ADGRG4: variants seen among roughly 807,000 people sequenced by gnomAD.
ADGRG4 encodes G protein-coupled receptor 112.
Under a neutral mutation model 126.2 loss-of-function variants are expected in ADGRG4, and 122 were observed. That is an observed-to-expected ratio of 0.97 (90% CI 0.83 to 1.12). ADGRG4 has a LOEUF of 1.12. ADGRG4 is among the 50% of genes most tolerant of loss of function. The probability of loss-of-function intolerance (pLI) is 0.00; values close to 1 mark genes in which losing one functional copy is unlikely to be tolerated. For missense variants in ADGRG4, 2,481 were observed against 2,251.8 expected (o/e 1.10, Z -2.06); for synonymous variants, 943 against 838.7 (o/e 1.12, Z -2.15).
At position 136,348,973 on chromosome X, in the gene ADGRG4, C is replaced by A. The variant is rs939564861; in HGVS notation, c.5267C>A (p.Ala1756Glu). The A allele has an allele frequency of 1.7e-6, 2 of 1,206,838 alleles. No homozygotes were observed. Among genetic ancestry groups the A allele is most frequent in the Admixed American group, 4.4e-5 (2 of 45,500 alleles). Reference sequence around the variant, plus strand: ...GAAAATATGCTTTCACCTACTCATGCAGATAGTCTCCATACTTCCTTCAAT... The same window carrying A: ...GAAAATATGCTTTCACCTACTCATGAAGATAGTCTCCATACTTCCTTCAAT... ...VPENMLSPTH[A>E]DSLHTSFNIQ... Residue 1756 changes from alanine (A) to glutamate (E), a missense_variant, in exon 6 of 26, where the codon GCA (alanine) becomes GAA (glutamate). By Grantham distance (107) the Ala-to-Glu change is moderately radical. Transcript: ENST00000394143.
At chrX:136,308,465 T>C (rs1476364201) in intron 3 of ADGRG4, among the ~76,000 whole-genome samples, 1 of 112,132 alleles carries the variant, frequency 8.9e-6, no homozygotes, top group Non-Finnish European at 1.9e-5. Context: ...CTAACTGTCC[T>C]ATGATGGCAG....
At chrX:136,367,556 G>T (rs1458742653) in intron 13 of ADGRG4, among the ~76,000 whole-genome samples, 1 of 111,938 alleles carries the variant, frequency 8.9e-6, no homozygotes. Context: ...AATTGACTGA[G>T]AAGTCATTTT....
rs2075257188 is a variant in ADGRG4 at position 136,380,642 on chromosome X, CTT to C, written c.7777-7097_7777-7096del. Among the ~76,000 whole-genome samples, 5 of 85,965 alleles carry C rather than the reference CTT, an allele frequency of 5.8e-5. No individual in the cohort carries two copies. In the East Asian group the frequency reaches 9.6e-4, roughly 17 times the overall value. 74.7% of individuals were successfully genotyped at this position (85,965 alleles called of 115,157 possible). On this transcript the variant is annotated intron_variant, in intron 15 of 25. Transcript: ENST00000394143. ...TCTTCTTCTTCTTCTTCTTCTTCTT[CTT>C]CTTCTTCCTCCTCCTCCTCCTCCTC...
At chrX:136,317,433 G>A (rs1254009991) in intron 4 of ADGRG4, among the ~76,000 whole-genome samples, 2 of 103,990 alleles carry the variant, frequency 1.9e-5, no homozygotes, top group African/African-American at 7.1e-5. Context: ...CCAGGAAGCG[G>A]AGGTTGCAGT....
At chrX:136,410,665 G>A (rs1156889600) in intron 23 of ADGRG4, among the ~76,000 whole-genome samples, 1 of 111,860 alleles carries the variant, frequency 8.9e-6, no homozygotes, top group Non-Finnish European at 1.9e-5. Flanking sequence ...GTAGATGGAT[G>A]TGCGAGTTTG....
rs1451866159 is a variant in ADGRG4 at position 136,370,747 on chromosome X, T to C, written c.7397-581T>C. Among the ~76,000 whole-genome samples, 4 of 112,068 alleles carry C rather than the reference T, an allele frequency of 3.6e-5. No homozygotes were observed. In the East Asian group the frequency reaches 1.1e-3, roughly 31 times the overall value. On this transcript the variant is annotated intron_variant, in intron 13 of 25. Transcript: ENST00000394143. ...ATTCATGAGGAACATGGAGATTCAT[T>C]ATACAATTCTTTCTACTTTTGTGTA...
chrX:136,306,714 CTTTTTTT>C (rs57109734), intron 3 of ADGRG4, among the ~76,000 whole-genome samples: 1 of 97,863 alleles, frequency 1.0e-5, no homozygotes, highest in African/African-American at 3.8e-5. Flanking sequence ...TACCTTATTC[CTTTTTTT>C]TTTTTTTTTT....
At chrX:136,321,793 C>T (rs945288909) in intron 4 of ADGRG4, among the ~76,000 whole-genome samples, 20 of 112,011 alleles carry the variant, frequency 1.8e-4, no homozygotes, top group South Asian at 3.8e-4. Context: ...AAAGACCGCA[C>T]CCAATGGACA....
intron 15 of ADGRG4, among the ~76,000 whole-genome samples, chrX:136,383,237 G>C (rs1480560765): frequency 9.0e-6 from 1 of 111,688 alleles, no homozygotes; most frequent in South Asian, 3.8e-4. Flanking sequence ...TAATTGAGAA[G>C]GGTGTTAAAA....
At chrX:136,352,631 C>T (rs1259940261) in intron 7 of ADGRG4, among the ~76,000 whole-genome samples, 4 of 111,692 alleles carry the variant, frequency 3.6e-5, no homozygotes. Context: ...AAGATGTGAA[C>T]CTTTCACATT....
At chrX:136,371,599 A>G (rs1043040269) in intron 14 of ADGRG4, 55 bp downstream of exon 14, 2 of 686,823 alleles carry the variant, frequency 2.9e-6, no homozygotes, top group African/African-American at 4.4e-5. Flanking sequence ...TAAAATGCAG[A>G]CGGCCCTCTG....
Position 136,349,845 on chromosome X carries a change from A to G in ADGRG4, c.6139A>G (p.Met2047Val), listed in dbSNP as rs368909891. Reference sequence around the variant, plus strand: ...AAAATCAACATTTCTGACATCTGACATGATATCAGCGCACCCATTCACTAA... The same window carrying G: ...AAAATCAACATTTCTGACATCTGACGTGATATCAGCGCACCCATTCACTAA... The part of the protein sequence containing the change: ...VSKSTFLTSD[M>V]ISAHPFTNLT... The change falls in exon 6 of 26, where the codon ATG becomes GTG. Residue 2047 changes from methionine to valine, a missense_variant. Coordinates refer to ENST00000394143, the MANE Select transcript of ADGRG4 (RefSeq NM_153834.4). 2.5e-6 allele frequency: 3 copies of G among 1,209,838 alleles called. No individual in the cohort carries two copies. Among genetic ancestry groups the G allele is most frequent in the Non-Finnish European group, 3.4e-6 (3 of 894,072 alleles).
intron 5 of ADGRG4, among the ~76,000 whole-genome samples, chrX:136,326,615 T>C (rs1253008821): frequency 9.0e-6 from 1 of 111,223 alleles, no homozygotes; most frequent in Admixed American, 9.7e-5. Context: ...CCTGGGGAAA[T>C]TAGGCTACTA....
In ADGRG4 at chrX:136,347,006, C is replaced by T; in HGVS notation, c.3300C>T (p.Ser1100=). The T allele has an allele frequency of 2.5e-6, 3 of 1,210,154 alleles. No individual in the cohort carries two copies. In the South Asian group the frequency reaches 5.3e-5, roughly 21 times the overall value. The change falls in exon 6 of 26, where the codon TCC becomes TCT. Residue 1100 remains serine (S), a synonymous_variant. Coordinates refer to ENST00000394143, the MANE Select transcript of ADGRG4 (RefSeq NM_153834.4). ...EATVISVRKT[S]MAVPSLTETP... ...CGGTAATCTCTGTCAGGAAGACATC[C>T]ATGGCAGTTCCTTCTCTGACAGAAA...
At chrX:136,375,839 C>G (rs1013707913) in intron 15 of ADGRG4, among the ~76,000 whole-genome samples, 3 of 112,075 alleles carry the variant, frequency 2.7e-5, no homozygotes, top group Non-Finnish European at 5.6e-5. Flanking sequence ...TTTGGATTGC[C>G]TGTTGACTCT....
In ADGRG4 at chrX:136,346,699, A is replaced by G. The variant is rs778723011; in HGVS notation, c.2993A>G (p.Gln998Arg). ...TSLSDGILPP[Q>R]PTAAHSSATP... ...TTGTCTGATGGTATCTTACCTCCAC[A>G]GCCTACAGCTGCTCATTCCTCAGCA... Residue 998 changes from glutamine (Q) to arginine (R), a missense_variant, in exon 6 of 26, where the codon CAG becomes CGG. Coordinates refer to ENST00000394143, the MANE Select transcript of ADGRG4 (RefSeq NM_153834.4). The G allele has an allele frequency of 4.1e-6, 5 of 1,210,658 alleles. No individual in the cohort carries two copies. Among genetic ancestry groups the G allele is most frequent in the South Asian group, 3.5e-5 (2 of 56,786 alleles).
chrX:136,359,546 C>A, intron 11 of ADGRG4, 91 bp downstream of exon 11: 2 of 705,215 alleles, frequency 2.8e-6, no homozygotes, highest in Non-Finnish European at 4.1e-6. Flanking sequence ...ATTCTGAGTT[C>A]AGAAAGGAGA....
Position 136,349,844 on chromosome X carries a change from CATG to C in ADGRG4, c.6141_6143del (p.Met2047del). 3 of 1,209,755 alleles carry C rather than the reference CATG, an allele frequency of 2.5e-6. No homozygotes were observed. The highest frequency in any genetic ancestry group is 3.4e-6 in the Non-Finnish European group (3 of 893,964). ...CAAAATCAACATTTCTGACATCTGACATGATATCAGCGCACCCATTCACTAACT... is the reference window on the plus strand; with the variant it reads ...CAAAATCAACATTTCTGACATCTGACATATCAGCGCACCCATTCACTAACT... On this transcript the variant is annotated inframe_deletion, in exon 6 of 26. Coordinates refer to ENST00000394143, the MANE Select transcript of ADGRG4 (RefSeq NM_153834.4).
intron 22 of ADGRG4, among the ~76,000 whole-genome samples, chrX:136,405,166 AT>A (rs1245973505): frequency 8.9e-6 from 1 of 111,853 alleles, no homozygotes; most frequent in Admixed American, 9.5e-5. Flanking sequence ...TTTTTGTAGC[AT>A]TTTCATTAAC....
Sources: allele counts gnomAD v4.1 joint callset (sites outside exome capture counted in the v4.1 genomes callset), GRCh38; gene constraint gnomAD v4.1.1; transcripts MANE v1.5; gene names NCBI Gene and HGNC (gene_info 2026-07-23, HGNC 2026-07-21).